Variants in DLG2 observed in about 807,000 individuals in gnomAD.
The protein encoded by DLG2 is disks large homolog 2.
In DLG2, 45 loss-of-function variants were observed where a neutral mutation model predicts 132.5. That is an observed-to-expected ratio of 0.34 (90% CI 0.27 to 0.44). The LOEUF (loss-of-function observed/expected upper bound fraction) is 0.44, where lower values mean the gene tolerates loss of function less well. Among genes scored for constraint, DLG2 ranks in the 20% least tolerant of loss-of-function variants. The pLI, the probability that DLG2 is intolerant of heterozygous loss-of-function variation, is 1.00. For synonymous variants in DLG2, 424 were observed against 419.6 expected (o/e 1.01, Z -0.13); for missense variants, 1,045 against 1,196.9 (o/e 0.87, Z 1.87).
chr11:84,838,368 G>A (rs772879067), intron 6 of DLG2, among the ~76,000 whole-genome samples: 12 of 148,838 alleles, frequency 8.1e-5, no homozygotes, highest in Non-Finnish European at 1.6e-4. Flanking sequence ...GTCTTTATGT[G>A]TTTTAGCCGA....
At chr11:83,888,295 A>G (rs1263555875) in intron 15 of DLG2, among the ~76,000 whole-genome samples, 1 of 152,202 alleles carries the variant, frequency 6.6e-6, no homozygotes, top group Non-Finnish European at 1.5e-5. Flanking sequence ...AAGCATTCTT[A>G]TACACAAATA....
chr11:83,964,859 G>A (rs1256751643), intron 13 of DLG2, among the ~76,000 whole-genome samples: 2 of 151,940 alleles, frequency 1.3e-5, no homozygotes, highest in Non-Finnish European at 1.5e-5. Context: ...AAAGCTATGT[G>A]ATGGTGATTG....
chr11:84,375,739 C>A (rs1018645675), intron 7 of DLG2, among the ~76,000 whole-genome samples: 11 of 151,864 alleles, frequency 7.2e-5, no homozygotes, highest in South Asian at 2.1e-4. Flanking sequence ...TAGATCCTTG[C>A]TACCTAAAAC....
In DLG2 at chr11:85,530,038, C is replaced by T. The variant is rs938018098; in HGVS notation, c.40+68619G>A. Among the ~76,000 whole-genome samples the T allele has an allele frequency of 3.4e-3, 480 of 139,200 alleles. 2 individuals carry two copies. Among genetic ancestry groups the T allele is most frequent in the Non-Finnish European group, 4.5e-3 (295 of 65,998 alleles). The allele number at this position is 139,200 out of a possible 152,430, so 91.3% of individuals were successfully genotyped here. On this transcript the variant is annotated intron_variant, in intron 3 of 27. Transcript: ENST00000376104. Reference sequence around the variant, plus strand: ...GAGTTTGGAGTTTCACTCTTGTTGCCCAGGCTGGAGTGCAATGGCACAATC... The same window carrying T: ...GAGTTTGGAGTTTCACTCTTGTTGCTCAGGCTGGAGTGCAATGGCACAATC...
At position 85,356,756 on chromosome 11, in the gene DLG2, C is replaced by T. The variant is rs139735448; in HGVS notation, c.41-71391G>A. Reference sequence around the variant, plus strand: ...TCTACTTTGTTTACTACAGCATGCCCAGAAAGAAACAGTAGGTAAGTAGAT... The same window carrying T: ...TCTACTTTGTTTACTACAGCATGCCTAGAAAGAAACAGTAGGTAAGTAGAT... On this transcript the variant is annotated intron_variant, in intron 3 of 27. Coordinates refer to ENST00000376104, the MANE Select transcript of DLG2 (RefSeq NM_001142699.3). Among the ~76,000 whole-genome samples the T allele has an allele frequency of 2.2e-3, 329 of 150,106 alleles. 1 individual carries two copies. The highest frequency in any genetic ancestry group is 7.8e-3 in the African/African-American group (319 of 40,716).
intron 6 of DLG2, among the ~76,000 whole-genome samples, chr11:84,624,808 T>G (rs985308710): frequency 1.4e-5 from 2 of 147,042 alleles, no homozygotes; most frequent in African/African-American, 5.1e-5. Flanking sequence ...AATTATCAAA[T>G]AATACAGTTG....
chr11:84,906,785 C>T (rs943770229), intron 6 of DLG2, among the ~76,000 whole-genome samples: 5 of 152,114 alleles, frequency 3.3e-5, no homozygotes, highest in Non-Finnish European at 7.4e-5. Flanking sequence ...TTCAAATTAT[C>T]TCCTATCCTG....
At chr11:84,640,761 G>T (rs192914006) in intron 6 of DLG2, among the ~76,000 whole-genome samples, 1 of 152,066 alleles carries the variant, frequency 6.6e-6, no homozygotes, top group African/African-American at 2.4e-5. Flanking sequence ...CCAACGTGGT[G>T]AAACCCCATC....
intron 6 of DLG2, among the ~76,000 whole-genome samples, chr11:84,575,544 A>T (rs1424527296): frequency 1.3e-5 from 2 of 152,166 alleles, no homozygotes; most frequent in Non-Finnish European, 2.9e-5. Context: ...TGTATCTTTT[A>T]AGAAAATTTT....
chr11:84,803,728 T>A (rs534756183), intron 6 of DLG2, among the ~76,000 whole-genome samples: 1 of 152,334 alleles, frequency 6.6e-6, no homozygotes, highest in South Asian at 2.1e-4. Flanking sequence ...CAAATGACTA[T>A]GTTGCACAGG....
chr11:84,132,653 A>G (rs2094462289), intron 9 of DLG2, among the ~76,000 whole-genome samples: 1 of 152,074 alleles, frequency 6.6e-6, no homozygotes, highest in Non-Finnish European at 1.5e-5. Flanking sequence ...TGATTACCTG[A>G]TTTCAGAGTT....
chr11:85,516,468 G>C (rs983227190), intron 3 of DLG2, among the ~76,000 whole-genome samples: 1 of 151,646 alleles, frequency 6.6e-6, no homozygotes, highest in Non-Finnish European at 1.5e-5. Flanking sequence ...ATGAAATTGA[G>C]ACCAAAAAAA....
At chr11:84,879,486 A>C (rs1002932669) in intron 6 of DLG2, among the ~76,000 whole-genome samples, 1 of 152,122 alleles carries the variant, frequency 6.6e-6, no homozygotes, top group African/African-American at 2.4e-5. Flanking sequence ...GACACTTGGG[A>C]GGAGGCCTGA....
intron 6 of DLG2, among the ~76,000 whole-genome samples, chr11:84,554,336 T>C (rs1157877612): frequency 6.6e-6 from 1 of 152,206 alleles, no homozygotes; most frequent in African/African-American, 2.4e-5. Context: ...GCAGAACGAC[T>C]ACCAGTTTTA....
intron 17 of DLG2, among the ~76,000 whole-genome samples, chr11:83,807,416 T>A (rs1319419854): frequency 6.6e-6 from 1 of 152,136 alleles, no homozygotes; most frequent in Non-Finnish European, 1.5e-5. Flanking sequence ...AGAAAACAAC[T>A]CTCCAGCAAG....
chr11:84,200,102 T>C (rs975287075), intron 8 of DLG2, among the ~76,000 whole-genome samples: 5 of 151,984 alleles, frequency 3.3e-5, no homozygotes, highest in Non-Finnish European at 7.4e-5. Context: ...TGAAAACTTC[T>C]TAGAAAAAAT....
chr11:85,311,294 T>A (rs1184505702), intron 3 of DLG2, among the ~76,000 whole-genome samples: 2 of 152,186 alleles, frequency 1.3e-5, no homozygotes, highest in Non-Finnish European at 2.9e-5. Context: ...ATGTTTACCA[T>A]ATGCCAGAAA....
intron 6 of DLG2, among the ~76,000 whole-genome samples, chr11:84,735,412 AGTTTATTTAC>A (rs2063700403): frequency 6.6e-6 from 1 of 152,110 alleles, no homozygotes; most frequent in South Asian, 2.1e-4. Flanking sequence ...TAGATTTTCT[AGTTTATTTAC>A]GTAGAGGTGT....
At chr11:84,299,935 T>G (rs1360871958) in intron 7 of DLG2, among the ~76,000 whole-genome samples, 2 of 152,198 alleles carry the variant, frequency 1.3e-5, no homozygotes, top group Non-Finnish European at 2.9e-5. Flanking sequence ...TCAAGAGAGT[T>G]GTTGCATCTG....
Sources: allele counts gnomAD v4.1 joint callset (sites outside exome capture counted in the v4.1 genomes callset), GRCh38; gene constraint gnomAD v4.1.1; transcripts MANE v1.5; gene names NCBI Gene and HGNC (gene_info 2026-07-23, HGNC 2026-07-21).